ABHD12B: variants seen among roughly 807,000 people sequenced by gnomAD.
ABHD12B encodes the protein protein ABHD12B.
In ABHD12B, 42 loss-of-function variants were observed where a neutral mutation model predicts 50.4. The observed-to-expected ratio is 0.83, with a 90% CI of 0.65 to 1.08. The LOEUF is 1.08. Among genes scored for constraint, ABHD12B ranks in the 50% least tolerant of loss-of-function variants. The probability of loss-of-function intolerance (pLI) is 0.00; values close to 1 mark genes in which losing one functional copy is unlikely to be tolerated. For missense variants in ABHD12B, 479 were observed against 447.7 expected (o/e 1.07, Z -0.63); for synonymous variants, 167 against 160.3 (o/e 1.04, Z -0.32).
chr14:50,878,408 C>G (rs938759420), intron 2 of ABHD12B, among the ~76,000 whole-genome samples: 1 of 152,148 alleles, frequency 6.6e-6, no homozygotes, highest in South Asian at 2.1e-4. Context: ...TAGCAGAATA[C>G]TTATTATTTT....
At chr14:50,904,295 A>T (rs747061256) in intron 12 of ABHD12B, 44 bp from the exon 13 acceptor site, 2 of 1,614,062 alleles carry the variant, frequency 1.2e-6, no homozygotes, top group South Asian at 2.2e-5. Flanking sequence ...TTGCTTATTT[A>T]GGTAGGGAAA....
chr14:50,898,497 A>T (rs573276381), intron 9 of ABHD12B, among the ~76,000 whole-genome samples: 1 of 152,174 alleles, frequency 6.6e-6, no homozygotes, highest in Non-Finnish European at 1.5e-5. Flanking sequence ...CAGAAGAGAG[A>T]GGAAGGTAGG....
chr14:50,894,392 C>T (rs1320230987), intron 9 of ABHD12B, among the ~76,000 whole-genome samples: 1 of 151,888 alleles, frequency 6.6e-6, no homozygotes, highest in Non-Finnish European at 1.5e-5. Context: ...AACCCCCCCA[C>T]CCCTTCTCCA....
Position 50,877,978 on chromosome 14 carries a change from T to C in ABHD12B, c.131T>C (p.Leu44Pro). 6.5e-7 allele frequency: 1 copy of C among 1,534,134 alleles called. No individual in the cohort carries two copies. Among genetic ancestry groups the C allele is most frequent in the Admixed American group, 2.0e-5 (1 of 50,722 alleles). Residue 44 changes from leucine to proline, a missense_variant, in exon 2 of 13, where the codon CTC becomes CCC. Physicochemically the swap from Leu to Pro is moderately conservative, Grantham distance 98. Transcript: ENST00000337334. The part of the protein sequence containing the change: ...LRYFPHSCSM[L>P]GRKIAALYDS... ...TATTTTCCACACTCCTGTTCAATGC[T>C]CGGAAGAAAAATTGCTGCTCTGTAT...
chr14:50,881,773 C>CCAGA, intron 5 of ABHD12B, 147 bp downstream of exon 5: 2 of 880,510 alleles, frequency 2.3e-6, no homozygotes, highest in Non-Finnish European at 3.7e-6. Flanking sequence ...GCTCAAAGTC[C>CCAGA]CACCGGTGGA....
In ABHD12B at chr14:50,878,723, GATA is replaced by G. The variant is rs760090755; in HGVS notation, c.233-19_233-17del. On this transcript the variant is annotated intron_variant, in intron 2 of 12. Coordinates refer to ENST00000337334, the MANE Select transcript of ABHD12B (RefSeq NM_001206673.2). ...GGCATGGAATTTGATTCTTGAAGTT[GATA>G]ATGATTTTTACTTTCCAGTCAAAGC... The G allele has an allele frequency of 4.1e-5, 65 of 1,578,894 alleles. No individual in the cohort carries two copies. The highest frequency in any genetic ancestry group is 5.7e-5 in the Non-Finnish European group (65 of 1,148,144).
intron 11 of ABHD12B, 83 bp from the exon 12 acceptor site, chr14:50,903,991 T>C: frequency 8.8e-7 from 1 of 1,131,398 alleles, no homozygotes; most frequent in Non-Finnish European, 1.3e-6. Context: ...GTTAGCTGTT[T>C]CTGTACACTT....
At chr14:50,886,766 T>C in intron 8 of ABHD12B, 82 bp downstream of exon 8, 3 of 1,344,036 alleles carry the variant, frequency 2.2e-6, no homozygotes, top group Non-Finnish European at 3.1e-6. Context: ...TGTGTACACT[T>C]TGAACATATA....
chr14:50,897,959 G>T (rs1041069820), intron 9 of ABHD12B, among the ~76,000 whole-genome samples: 1 of 152,242 alleles, frequency 6.6e-6, no homozygotes, highest in Non-Finnish European at 1.5e-5. Context: ...AATTACTGAA[G>T]AGAGAGGCTT....
At chr14:50,876,119 A>G (rs2049860693) in intron 1 of ABHD12B, among the ~76,000 whole-genome samples, 1 of 152,160 alleles carries the variant, frequency 6.6e-6, no homozygotes. Flanking sequence ...TCAGAACAAC[A>G]ATGTCCTCTC....
chr14:50,881,941 CGTT>C (rs1288981423), intron 5 of ABHD12B, among the ~76,000 whole-genome samples: 3 of 116,750 alleles, frequency 2.6e-5, no homozygotes, highest in African/African-American at 9.8e-5. Flanking sequence ...TTTTTGTTGT[CGTT>C]GTTGTGGTTG....
chr14:50,878,842 G>T lies in ABHD12B; in HGVS notation c.330G>T (p.Gly110=). 6.2e-7 allele frequency: 1 copy of T among 1,613,676 alleles called. No individual in the cohort carries two copies. Among genetic ancestry groups the T allele is most frequent in the African/African-American group, 1.3e-5 (1 of 75,022 alleles). Residue 110 remains glycine, a synonymous_variant, in exon 3 of 13, where the codon GGG becomes GGT. Transcript: ENST00000337334. ...GAGTTGAACCTGGGGTGATGCTAGG[G>T]ATCTGGTGAGTGCACGGATGGGACA... ...YLRVEPGVML[G]IWHTVPSCRG...
intron 1 of ABHD12B, among the ~76,000 whole-genome samples, chr14:50,876,000 C>G (rs1240476307): frequency 4.6e-5 from 7 of 152,150 alleles, no homozygotes; most frequent in Admixed American, 4.6e-4. Flanking sequence ...CCAGCAGGAG[C>G]CAGCAGCTGG....
chr14:50,883,384 T>TC (rs1442975692), intron 5 of ABHD12B, among the ~76,000 whole-genome samples: 6 of 152,168 alleles, frequency 3.9e-5, no homozygotes, highest in Non-Finnish European at 8.8e-5. Context: ...GACAGGAAGC[T>TC]CCTCTCCTGT....
Position 50,900,554 on chromosome 14 carries a change from G to A in ABHD12B, c.781-1275G>A, listed in dbSNP as rs1030276136. On this transcript the variant is annotated intron_variant, in intron 9 of 12. Transcript: ENST00000337334. ...TGTGAAAGCACCAAAATAATGTGAT[G>A]GAGAATGACTGGGTGGTGGGGGCAA... Among the ~76,000 whole-genome samples, 8 of 152,234 alleles carry A rather than the reference G, an allele frequency of 5.3e-5. 1 individual carries two copies. The highest frequency in any genetic ancestry group is 2.1e-4 in the South Asian group (1 of 4,836).
intron 2 of ABHD12B, 77 bp from the exon 3 acceptor site, chr14:50,878,668 G>C (rs1346965716): frequency 8.4e-6 from 10 of 1,195,308 alleles, no homozygotes; most frequent in Non-Finnish European, 1.2e-5. Context: ...ACCTGTGTAG[G>C]CTAATTCCTT....
chr14:50,884,073 A>C (rs1266296953), intron 5 of ABHD12B, among the ~76,000 whole-genome samples: 1 of 152,134 alleles, frequency 6.6e-6, no homozygotes, highest in Non-Finnish European at 1.5e-5. Flanking sequence ...GTCATTCTCC[A>C]TTGTATTTAT....
chr14:50,894,344 C>T (rs940160856), intron 9 of ABHD12B, among the ~76,000 whole-genome samples: 6 of 151,998 alleles, frequency 3.9e-5, no homozygotes, highest in Non-Finnish European at 7.4e-5. Context: ...CCCTTATTTC[C>T]GTGCCCCAAC....
intron 9 of ABHD12B, among the ~76,000 whole-genome samples, chr14:50,897,728 G>T (rs570453883): frequency 2.0e-5 from 3 of 152,172 alleles, no homozygotes; most frequent in Admixed American, 6.5e-5. Flanking sequence ...TTGGTAAATT[G>T]TTTCTCCCTA....
Sources: allele counts gnomAD v4.1 joint callset (sites outside exome capture counted in the v4.1 genomes callset), GRCh38; gene constraint gnomAD v4.1.1; transcripts MANE v1.5; gene names NCBI Gene and HGNC (gene_info 2026-07-23, HGNC 2026-07-21).